The following CYSTM1 variants were observed in gnomAD, a reference collection of about 807,000 sequenced individuals.
The protein encoded by CYSTM1 is cysteine rich transmembrane module containing 1.
Under a neutral mutation model 13.1 loss-of-function variants are expected in CYSTM1, and 4 were observed. The ratio of observed to expected loss-of-function variants is 0.31; its 90% CI spans 0.15 to 0.70. CYSTM1 has a LOEUF of 0.70. CYSTM1 is among the 30% of genes least tolerant of loss of function. The pLI is 0.72. For missense variants in CYSTM1, 96 were observed against 121.6 expected (o/e 0.79, Z 0.99); for synonymous variants, 36 against 42.7 (o/e 0.84, Z 0.62).
intron 2 of CYSTM1, among the ~76,000 whole-genome samples, chr5:140,231,886 A>G (rs1764621671): frequency 6.6e-6 from 1 of 152,234 alleles, no homozygotes. Context: ...CTTGTGAGTA[A>G]TGGGAAGCTG....
At chr5:140,236,317 C>T (rs1764679481) in intron 2 of CYSTM1, among the ~76,000 whole-genome samples, 1 of 152,142 alleles carries the variant, frequency 6.6e-6, no homozygotes, top group African/African-American at 2.4e-5. Context: ...TGTGCGCGTC[C>T]CTGCAGTCTT....
rs542675685 is a variant in CYSTM1, at chr5:140,205,871, A to G, written c.187+11219A>G. On this transcript the variant is annotated intron_variant, in intron 2 of 2. Transcript: ENST00000261811. ...GCCTGAGGAAACTGGGACAGCTCCAAAGTCATCTCTCATCTGCAATCATGG... is the reference window on the plus strand; with the variant it reads ...GCCTGAGGAAACTGGGACAGCTCCAGAGTCATCTCTCATCTGCAATCATGG... 1.4e-4 allele frequency among the ~76,000 whole-genome samples: 21 copies of G among 151,908 alleles called. No homozygotes were observed. In the South Asian group the frequency reaches 4.2e-3, roughly 30 times the overall value.
At chr5:140,220,702 G>C (rs1336945732) in intron 2 of CYSTM1, among the ~76,000 whole-genome samples, 2 of 152,086 alleles carry the variant, frequency 1.3e-5, no homozygotes, top group Non-Finnish European at 2.9e-5. Flanking sequence ...AGCAACAGCA[G>C]CTTCTTTCTC....
chr5:140,241,692 C>T (rs1178929836), intron 2 of CYSTM1, among the ~76,000 whole-genome samples: 2 of 152,154 alleles, frequency 1.3e-5, no homozygotes, highest in Non-Finnish European at 2.9e-5. Context: ...TGCAGGATCC[C>T]GGGGTGGGCA....
Position 140,243,747 on chromosome 5 carries a change from T to TAACA in CYSTM1, c.*337_*340dup, listed in dbSNP as rs780497035. The TAACA allele has an allele frequency of 2.4e-5, 5 of 207,976 alleles. No homozygotes were observed. The highest frequency in any genetic ancestry group is 5.7e-5 in the Admixed American group (1 of 17,394). 12.9% of individuals were successfully genotyped at this position (207,976 alleles called of 1,614,324 possible). On this transcript the variant is annotated 3_prime_UTR_variant, in exon 3 of 3. Coordinates refer to ENST00000261811, the MANE Select transcript of CYSTM1 (RefSeq NM_032412.4). ...ATCAATCATGGAATGATTTCTCTGCTAACAGCCGCCTGTATGTTTCAATAA... is the reference window on the plus strand; with the variant it reads ...ATCAATCATGGAATGATTTCTCTGCTAACAAACAGCCGCCTGTATGTTTCAATAA...
chr5:140,208,480 G>A (rs554690261), intron 2 of CYSTM1, among the ~76,000 whole-genome samples: 6 of 152,192 alleles, frequency 3.9e-5, no homozygotes, highest in African/African-American at 1.4e-4. Flanking sequence ...GGATACAAAA[G>A]AATAGTTAGA....
At chr5:140,177,679 G>A (rs544322748) in intron 1 of CYSTM1, among the ~76,000 whole-genome samples, 1 of 152,330 alleles carries the variant, frequency 6.6e-6, no homozygotes, top group South Asian at 2.1e-4. Flanking sequence ...CCCGAAGTGT[G>A]TAAAAGGCCA....
At chr5:140,217,928 T>C (rs547954448) in intron 2 of CYSTM1, among the ~76,000 whole-genome samples, 1 of 151,274 alleles carries the variant, frequency 6.6e-6, no homozygotes, top group Admixed American at 6.5e-5. Context: ...TTCATCCAGA[T>C]AAAATTAGGA....
intron 2 of CYSTM1, among the ~76,000 whole-genome samples, chr5:140,227,033 A>G (rs1764566601): frequency 6.6e-6 from 1 of 151,998 alleles, no homozygotes; most frequent in Non-Finnish European, 1.5e-5. Context: ...GGATGTTCAC[A>G]CTCACTGGGG....
At chr5:140,187,734 A>G (rs1218035933) in intron 1 of CYSTM1, among the ~76,000 whole-genome samples, 1 of 152,250 alleles carries the variant, frequency 6.6e-6, no homozygotes, top group Non-Finnish European at 1.5e-5. Context: ...GGACATAAGG[A>G]TAAGCATGAC....
intron 1 of CYSTM1, among the ~76,000 whole-genome samples, chr5:140,183,197 T>G (rs917071414): frequency 1.3e-5 from 2 of 152,206 alleles, no homozygotes; most frequent in Admixed American, 1.3e-4. Context: ...ATCAGGCTTG[T>G]TGGGAGGGAT....
intron 2 of CYSTM1, among the ~76,000 whole-genome samples, chr5:140,237,188 C>A (rs115854825): frequency 0.016 from 2,479 of 152,300 alleles, 41 homozygotes; most frequent in Non-Finnish European, 0.027. Flanking sequence ...TGGACCAGGT[C>A]ATTCTGAGGC....
At chr5:140,216,904 A>AC (rs70988737) in intron 2 of CYSTM1, among the ~76,000 whole-genome samples, 2 of 152,062 alleles carry the variant, frequency 1.3e-5, no homozygotes, top group African/African-American at 4.8e-5. Context: ...ACACACACAC[A>AC]AAGAGCATAC....
At chr5:140,226,202 G>A (rs574786398) in intron 2 of CYSTM1, among the ~76,000 whole-genome samples, 192 of 152,182 alleles carry the variant, frequency 1.3e-3, no homozygotes, top group Non-Finnish European at 2.2e-3. Flanking sequence ...CTATGATGGG[G>A]TATAGATTAC....
chr5:140,182,902 G>C (rs1317320840), intron 1 of CYSTM1, among the ~76,000 whole-genome samples: 1 of 152,172 alleles, frequency 6.6e-6, no homozygotes, highest in Non-Finnish European at 1.5e-5. Flanking sequence ...GAAATTCACT[G>C]TTGTCCATTA....
At chr5:140,186,720 C>T (rs1283870468) in intron 1 of CYSTM1, among the ~76,000 whole-genome samples, 4 of 152,178 alleles carry the variant, frequency 2.6e-5, no homozygotes, top group Non-Finnish European at 4.4e-5. Flanking sequence ...ATAGTTGATG[C>T]TCCTATAAGT....
At chr5:140,199,328 G>A (rs554688342) in intron 2 of CYSTM1, among the ~76,000 whole-genome samples, 1 of 152,266 alleles carries the variant, frequency 6.6e-6, no homozygotes, top group East Asian at 1.9e-4. Context: ...ACCCAGTAAT[G>A]GGATTGCTGG....
intron 2 of CYSTM1, among the ~76,000 whole-genome samples, chr5:140,194,954 C>G (rs977747063): frequency 3.3e-5 from 5 of 152,214 alleles, no homozygotes; most frequent in African/African-American, 1.2e-4. Flanking sequence ...AGTCTTTGCT[C>G]TGTAGCCAGC....
intron 1 of CYSTM1, among the ~76,000 whole-genome samples, chr5:140,178,999 C>T (rs11748023): frequency 0.5 from 75,542 of 151,536 alleles, 19,109 homozygotes; most frequent in East Asian, 0.55. Context: ...AGGCCCGGTG[C>T]GGTAATCCTA....
Sources: gnomAD v4.1 joint callset for allele counts (sites outside exome capture counted in the v4.1 genomes callset) on GRCh38, gnomAD v4.1.1 for gene constraint, MANE v1.5 for transcripts, NCBI Gene and HGNC (gene_info 2026-07-23, HGNC 2026-07-21) for gene names.